The following PTPRD variants were observed in gnomAD, a reference collection of about 807,000 sequenced individuals.
PTPRD encodes protein tyrosine phosphatase receptor type D.
Under a neutral mutation model 214.5 loss-of-function variants are expected in PTPRD, and 34 were observed. The observed-to-expected ratio is 0.16, with a 90% CI of 0.12 to 0.21. PTPRD has a LOEUF of 0.21. Ranked by LOEUF, PTPRD falls within the 10% of genes least tolerant of loss-of-function variation. The pLI is 1.00. For missense variants in PTPRD, 2,545 were observed against 2,398.7 expected (o/e 1.06, Z -1.27); for synonymous variants, 1,128 against 845.7 (o/e 1.33, Z -5.79).
intron 2 of PTPRD, among the ~76,000 whole-genome samples, chr9:10,521,645 G>A (rs997851606): frequency 3.3e-5 from 5 of 152,100 alleles, no homozygotes; most frequent in Admixed American, 1.3e-4. Context: ...TTAAGACACT[G>A]CCACAGCCAT....
intron 9 of PTPRD, among the ~76,000 whole-genome samples, chr9:9,376,060 T>C (rs187389594): frequency 7.7e-6 from 1 of 129,812 alleles, no homozygotes; most frequent in Non-Finnish European, 1.6e-5. Flanking sequence ...CGCAAGAAAA[T>C]GAGAACTTGC....
intron 27 of PTPRD, among the ~76,000 whole-genome samples, chr9:8,490,534 T>A (rs1184754890): frequency 6.6e-6 from 1 of 152,220 alleles, no homozygotes; most frequent in Non-Finnish European, 1.5e-5. Flanking sequence ...CTGTTCAATA[T>A]AGTACTGAAA....
intron 3 of PTPRD, among the ~76,000 whole-genome samples, chr9:10,066,113 G>A (rs533015916): frequency 2.6e-5 from 4 of 151,882 alleles, no homozygotes; most frequent in Admixed American, 6.6e-5. Context: ...TTTAGTGGAT[G>A]GTTGGTCTTT....
At chr9:10,161,382 G>C (rs1222774465) in intron 3 of PTPRD, among the ~76,000 whole-genome samples, 2 of 151,706 alleles carry the variant, frequency 1.3e-5, no homozygotes, top group Non-Finnish European at 3.0e-5. Flanking sequence ...AGAGAACTCA[G>C]ATATAAACCT....
At chr9:10,391,764 T>G (rs896999942) in intron 2 of PTPRD, among the ~76,000 whole-genome samples, 6 of 151,842 alleles carry the variant, frequency 4.0e-5, no homozygotes, top group Non-Finnish European at 7.4e-5. Context: ...TACTCTCCTG[T>G]GCACAAATTC....
At chr9:10,160,619 A>T (rs560600290) in intron 3 of PTPRD, among the ~76,000 whole-genome samples, 3 of 151,976 alleles carry the variant, frequency 2.0e-5, no homozygotes, top group Non-Finnish European at 4.4e-5. Context: ...ACAGCTAACC[A>T]TTATACTAAA....
Position 9,477,102 on chromosome 9 carries a change from A to G in PTPRD, c.-236-79620T>C, listed in dbSNP as rs547486305. Among the ~76,000 whole-genome samples the G allele has an allele frequency of 6.6e-5, 10 of 152,316 alleles. No homozygotes were observed. The South Asian group carries it at 2.1e-3, about 32-fold the overall frequency. Reference sequence around the variant, plus strand: ...AAGGTACTATTTACCTGCAGTCATTAAGTGAGTGATTCAGCAAATGGTCCA... The same window carrying G: ...AAGGTACTATTTACCTGCAGTCATTGAGTGAGTGATTCAGCAAATGGTCCA... On this transcript the variant is annotated intron_variant, in intron 8 of 45. Coordinates refer to ENST00000381196, the MANE Select transcript of PTPRD (RefSeq NM_002839.4).
intron 8 of PTPRD, among the ~76,000 whole-genome samples, chr9:9,440,546 A>AT (rs1474829756): frequency 1.3e-5 from 2 of 152,232 alleles, no homozygotes; most frequent in African/African-American, 4.8e-5. Flanking sequence ...AGTGTGGTCC[A>AT]TAACAGTTGT....
intron 8 of PTPRD, among the ~76,000 whole-genome samples, chr9:9,571,406 C>T (rs928206709): frequency 4.0e-4 from 61 of 151,004 alleles, no homozygotes; most frequent in African/African-American, 1.4e-3. Flanking sequence ...ATACTTAAGG[C>T]TGTATTTATA....
intron 9 of PTPRD, among the ~76,000 whole-genome samples, chr9:9,369,412 G>T (rs552399200): frequency 2.3e-4 from 35 of 152,208 alleles, no homozygotes; most frequent in African/African-American, 7.5e-4. Context: ...GTCTTCTTTT[G>T]AGAAGTGTCT....
intron 10 of PTPRD, among the ~76,000 whole-genome samples, chr9:9,167,904 C>T (rs2099907367): frequency 6.6e-6 from 1 of 152,086 alleles, no homozygotes. Flanking sequence ...CTGACAATGC[C>T]CACAGTCTGA....
At chr9:9,663,858 T>C (rs991539935) in intron 7 of PTPRD, among the ~76,000 whole-genome samples, 1 of 151,426 alleles carries the variant, frequency 6.6e-6, no homozygotes, top group Non-Finnish European at 1.5e-5. Flanking sequence ...AAAAGCAAAG[T>C]TGTATGTGAA....
intron 3 of PTPRD, among the ~76,000 whole-genome samples, chr9:10,215,104 C>A (rs2099535335): frequency 6.6e-6 from 1 of 151,976 alleles, no homozygotes; most frequent in Admixed American, 6.6e-5. Flanking sequence ...CAAGCACAAT[C>A]TTTTCTTTCT....
intron 12 of PTPRD, among the ~76,000 whole-genome samples, chr9:8,690,594 T>G (rs1380261811): frequency 6.6e-6 from 1 of 152,024 alleles, no homozygotes; most frequent in East Asian, 1.9e-4. Context: ...CTAATTTTAT[T>G]CAAGAGAACA....
intron 27 of PTPRD, among the ~76,000 whole-genome samples, chr9:8,488,642 C>T (rs2097087332): frequency 1.3e-5 from 2 of 152,170 alleles, no homozygotes; most frequent in Admixed American, 1.3e-4. Context: ...ATTCCACTTG[C>T]TTTTAATATA....
At chr9:9,157,400 G>T (rs1457703950) in intron 10 of PTPRD, among the ~76,000 whole-genome samples, 1 of 151,788 alleles carries the variant, frequency 6.6e-6, no homozygotes, top group Non-Finnish European at 1.5e-5. Context: ...GAGGAAAAAA[G>T]AATACTCAAA....
intron 3 of PTPRD, among the ~76,000 whole-genome samples, chr9:10,260,952 ATG>A (rs771895180): frequency 7.0e-6 from 1 of 143,372 alleles, no homozygotes; most frequent in Non-Finnish European, 1.5e-5. Flanking sequence ...GCATATATAC[ATG>A]TGTGTGTGTA....
chr9:10,127,403 T>C lies in PTPRD; in HGVS notation c.-544-93613A>G, dbSNP rs150204941. ...ATAATTCTACAAATTGAATTAATAT[T>C]CTTTAGGATAGTCACTTATATTCAA... On this transcript the variant is annotated intron_variant, in intron 3 of 45. Coordinates refer to ENST00000381196, the MANE Select transcript of PTPRD (RefSeq NM_002839.4). Among the ~76,000 whole-genome samples, 296 of 152,326 alleles carry C rather than the reference T, an allele frequency of 1.9e-3. 1 individual carries two copies. The highest frequency in any genetic ancestry group is 6.8e-3 in the African/African-American group (283 of 41,576).
At chr9:8,405,236 A>G (rs2092847450) in intron 35 of PTPRD, among the ~76,000 whole-genome samples, 1 of 152,188 alleles carries the variant, frequency 6.6e-6, no homozygotes, top group South Asian at 2.1e-4. Flanking sequence ...GTTAACACGA[A>G]CAGTAAAGAA....
Sources: allele counts gnomAD v4.1 joint callset (sites outside exome capture counted in the v4.1 genomes callset), GRCh38; gene constraint gnomAD v4.1.1; transcripts MANE v1.5; gene names NCBI Gene and HGNC (gene_info 2026-07-23, HGNC 2026-07-21).